Variants in ATP11A observed in about 807,000 individuals in gnomAD.
ATP11A encodes the protein ATPase phospholipid transporting 11A.
Under a neutral mutation model 154.4 loss-of-function variants are expected in ATP11A, and 81 were observed. The observed-to-expected ratio is 0.52, with a 90% CI of 0.44 to 0.63. ATP11A has a LOEUF of 0.63. ATP11A is among the 30% of genes least tolerant of loss of function. ATP11A has a pLI of 0.00. For synonymous variants in ATP11A, 623 were observed against 585.9 expected (o/e 1.06, Z -0.91); for missense variants, 1,316 against 1,474.3 (o/e 0.89, Z 1.76).
At chr13:112,756,406 A>T (rs2076834339) in intron 1 of ATP11A, among the ~76,000 whole-genome samples, 1 of 152,068 alleles carries the variant, frequency 6.6e-6, no homozygotes, top group Non-Finnish European at 1.5e-5. Context: ...GGGCTTCAGG[A>T]TCAGGGTCCC....
At chr13:112,862,602 C>G in intron 25 of ATP11A, 27 bp downstream of exon 25, 1 of 1,613,758 alleles carries the variant, frequency 6.2e-7, no homozygotes, top group Non-Finnish European at 8.5e-7. Flanking sequence ...ATTGCGCTGA[C>G]TTAGCTGCTT....
intron 2 of ATP11A, 54 bp from the exon 3 acceptor site, chr13:112,804,903 C>T (rs1594755143): frequency 8.6e-7 from 1 of 1,167,568 alleles, no homozygotes; most frequent in East Asian, 2.4e-5. Context: ...TAGAGTAACA[C>T]TACAAGAGTA....
intron 19 of ATP11A, among the ~76,000 whole-genome samples, chr13:112,854,948 C>G (rs1322576818): frequency 2.0e-5 from 3 of 152,110 alleles, no homozygotes; most frequent in Admixed American, 2.0e-4. Flanking sequence ...AGTACATGCC[C>G]AAGAGTTGTT....
intron 17 of ATP11A, 61 bp downstream of exon 17, chr13:112,842,440 T>G: frequency 8.2e-7 from 1 of 1,217,580 alleles, no homozygotes; most frequent in Non-Finnish European, 1.2e-6. Flanking sequence ...AGGAAGGAAT[T>G]CCATGTTCCA....
In ATP11A at chr13:112,864,039, A is replaced by G. The variant is rs1241849864; in HGVS notation, c.2991+1464A>G. ...AGTGCAGCACGTGCAGCTTCTCAGCAGGGTCCATCACCACCTGCACAGTAA... is the reference window on the plus strand; with the variant it reads ...AGTGCAGCACGTGCAGCTTCTCAGCGGGGTCCATCACCACCTGCACAGTAA... On this transcript the variant is annotated intron_variant, in intron 25 of 29. Coordinates refer to ENST00000375645, the MANE Select transcript of ATP11A (RefSeq NM_015205.3). Among the ~76,000 whole-genome samples the G allele has an allele frequency of 2.2e-4, 11 of 50,098 alleles. 2 individuals are homozygous for G. The East Asian group carries it at 4.7e-3, about 21-fold the overall frequency. 32.9% of individuals were successfully genotyped at this position (50,098 alleles called of 152,430 possible). A position where few individuals can be genotyped will look rare whatever the true frequency, so the allele number is the denominator to read the frequency against.
intron 2 of ATP11A, among the ~76,000 whole-genome samples, chr13:112,789,214 G>A (rs572977362): frequency 6.2e-4 from 94 of 151,028 alleles, no homozygotes; most frequent in African/African-American, 2.2e-3. Context: ...GTCCTGATGT[G>A]TAGACCCCTG....
intron 26 of ATP11A, among the ~76,000 whole-genome samples, chr13:112,872,064 T>G (rs762761924): frequency 1.6e-4 from 25 of 152,188 alleles, no homozygotes; most frequent in South Asian, 2.1e-4. Flanking sequence ...GCAAGCTGCT[T>G]CTTTGTGAAA....
intron 25 of ATP11A, 98 bp from the exon 26 acceptor site, chr13:112,871,637 C>A (rs915048695): frequency 8.8e-7 from 1 of 1,138,022 alleles, no homozygotes; most frequent in Non-Finnish European, 1.3e-6. Context: ...AGTGTTGGCA[C>A]ACAAGAAAAA....
At chr13:112,741,874 T>C (rs1170680405) in intron 1 of ATP11A, among the ~76,000 whole-genome samples, 2 of 152,096 alleles carry the variant, frequency 1.3e-5, no homozygotes, top group Non-Finnish European at 2.9e-5. Flanking sequence ...GAGGTGTACT[T>C]CTCTTCCCCC....
chr13:112,850,342 G>A (rs1005224779), intron 17 of ATP11A, among the ~76,000 whole-genome samples: 5 of 152,182 alleles, frequency 3.3e-5, no homozygotes, highest in Non-Finnish European at 7.3e-5. Flanking sequence ...TGACGGTCGC[G>A]CTCAGCAGCC....
chr13:112,743,215 G>A (rs562936890), intron 1 of ATP11A, among the ~76,000 whole-genome samples: 6 of 152,290 alleles, frequency 3.9e-5, no homozygotes, highest in African/African-American at 1.2e-4. Context: ...TGGGAAACGT[G>A]TATTTTCACC....
intron 2 of ATP11A, among the ~76,000 whole-genome samples, chr13:112,802,606 C>T (rs1322850096): frequency 7.0e-6 from 1 of 143,604 alleles, no homozygotes; most frequent in Non-Finnish European, 1.5e-5. Context: ...AGTGATCACA[C>T]ACCGTTCAAG....
chr13:112,775,476 T>G (rs1490159276), intron 1 of ATP11A, among the ~76,000 whole-genome samples: 4 of 152,210 alleles, frequency 2.6e-5, no homozygotes, highest in Non-Finnish European at 5.9e-5. Context: ...ACATGCCTCC[T>G]CTAAAGGGGT....
intron 1 of ATP11A, among the ~76,000 whole-genome samples, chr13:112,710,580 G>A (rs1215507913): frequency 6.6e-6 from 1 of 152,220 alleles, no homozygotes; most frequent in Non-Finnish European, 1.5e-5. Context: ...GGAGGCCTCT[G>A]TGGTGGCCAA....
At chr13:112,757,137 G>A (rs1401285527) in intron 1 of ATP11A, among the ~76,000 whole-genome samples, 1 of 152,220 alleles carries the variant, frequency 6.6e-6, no homozygotes, top group Non-Finnish European at 1.5e-5. Flanking sequence ...TACTGGTGGA[G>A]CTATGCAAGC....
rs538758250 is a variant in ATP11A at position 112,798,629 on chromosome 13, C to T, written c.163-6328C>T. 3.0e-3 allele frequency among the ~76,000 whole-genome samples: 463 copies of T among 152,266 alleles called. 3 individuals carry two copies. Among genetic ancestry groups the T allele is most frequent in the African/African-American group, 0.011 (449 of 41,536 alleles). ...TGTGAGAGTGGGCGTATATTGTGGC[C>T]TCTAGTGCAACCACTAAGTAATTTT... On this transcript the variant is annotated intron_variant, in intron 2 of 29. Transcript: ENST00000375645.
At chr13:112,858,400 A>G in intron 22 of ATP11A, 110 bp downstream of exon 22, 2 of 1,156,062 alleles carry the variant, frequency 1.7e-6, no homozygotes, top group Non-Finnish European at 2.4e-6. Context: ...ATCTCCGAGG[A>G]GCAGCAACTG....
At chr13:112,874,671 T>A (rs1222318821) in intron 27 of ATP11A, among the ~76,000 whole-genome samples, 17 of 152,122 alleles carry the variant, frequency 1.1e-4, no homozygotes, top group Middle Eastern at 3.2e-3. Context: ...CCCTCCGGAT[T>A]CTCTCGTTCA....
chr13:112,760,244 A>C (rs1018361142), intron 1 of ATP11A, among the ~76,000 whole-genome samples: 3 of 152,212 alleles, frequency 2.0e-5, no homozygotes, highest in Non-Finnish European at 4.4e-5. Flanking sequence ...ATAGTAGTAC[A>C]GTTGAGGAAG....
Sources: gnomAD v4.1 joint callset for allele counts (sites outside exome capture counted in the v4.1 genomes callset) on GRCh38, gnomAD v4.1.1 for gene constraint, MANE v1.5 for transcripts, NCBI Gene and HGNC (gene_info 2026-07-23, HGNC 2026-07-21) for gene names.